TTLL7: variants seen among roughly 807,000 people sequenced by gnomAD.
TTLL7 encodes the protein tubulin tyrosine ligase like 7.
Under a neutral mutation model 120.2 loss-of-function variants are expected in TTLL7, and 53 were observed. That is an observed-to-expected ratio of 0.44 (90% CI 0.35 to 0.55). TTLL7 has a LOEUF of 0.55. Ranked by LOEUF, TTLL7 falls within the 20% of genes least tolerant of loss-of-function variation. The probability of loss-of-function intolerance (pLI) is 0.00; values close to 1 mark genes in which losing one functional copy is unlikely to be tolerated. For missense variants in TTLL7, 803 were observed against 1,054.7 expected (o/e 0.76, Z 3.31); for synonymous variants, 353 against 351.7 (o/e 1.00, Z -0.04).
chr1:83,933,671 G>A lies in TTLL7; in HGVS notation c.984C>T (p.Val328=). 1 of 1,613,788 alleles carries A rather than the reference G, an allele frequency of 6.2e-7. No homozygotes were observed. ...TATCAAATCCCAGGACTTCAAAGCAGACACTTTCGCTTCCTGGAGGTTGAC... is the reference window on the plus strand; with the variant it reads ...TATCAAATCCCAGGACTTCAAAGCAAACACTTTCGCTTCCTGGAGGTTGAC... ...RPGQPPGSES[V]CFEVLGFDIL... is the part of the protein sequence containing the mutation. Residue 328 remains valine (V), a synonymous_variant, in exon 9 of 21, where the codon GTC becomes GTT. Coordinates refer to ENST00000260505, the MANE Select transcript of TTLL7 (RefSeq NM_024686.6).
At chr1:83,950,066 A>T in intron 3 of TTLL7, 80 bp from the exon 4 acceptor site, 1 of 1,242,404 alleles carries the variant, frequency 8.0e-7, no homozygotes, top group Non-Finnish European at 1.1e-6. Context: ...TTCTATCTAA[A>T]CTTTAGTTCA....
intron 7 of TTLL7, among the ~76,000 whole-genome samples, chr1:83,939,607 T>C (rs1647742984): frequency 6.6e-6 from 1 of 152,170 alleles, no homozygotes; most frequent in Non-Finnish European, 1.5e-5. Context: ...AATATAACCA[T>C]AGCCCACCCT....
chr1:83,933,869 A>C (rs935289248), intron 8 of TTLL7, 103 bp from the exon 9 acceptor site: 1 of 1,122,532 alleles, frequency 8.9e-7, no homozygotes, highest in Non-Finnish European at 1.3e-6. Flanking sequence ...AAGTTTACAA[A>C]GCTCTGTGGC....
chr1:83,892,815 C>CGCATATGTGAACATATATATGAAT (rs1655812582), intron 18 of TTLL7, among the ~76,000 whole-genome samples: 1 of 150,680 alleles, frequency 6.6e-6, no homozygotes, highest in Non-Finnish European at 1.5e-5. Flanking sequence ...TATATATGAA[C>CGCATATGTGAACATATATATGAAT]GCATATGTGA....
chr1:83,890,086 A>G, intron 19 of TTLL7: 1 of 576,864 alleles, frequency 1.7e-6, no homozygotes, highest in Middle Eastern at 2.8e-4. Flanking sequence ...ATTTTCTTTA[A>G]TTAGGACTAC....
At chr1:83,883,365 G>T (rs1654692357) in intron 19 of TTLL7, among the ~76,000 whole-genome samples, 1 of 151,950 alleles carries the variant, frequency 6.6e-6, no homozygotes, top group Non-Finnish European at 1.5e-5. Flanking sequence ...GTGTGTGTTT[G>T]TGCATGTGGG....
intron 7 of TTLL7, 87 bp downstream of exon 7, chr1:83,942,376 T>G (rs1461342341): frequency 9.2e-7 from 1 of 1,089,324 alleles, no homozygotes; most frequent in Non-Finnish European, 1.3e-6. Context: ...CAACTTTCAT[T>G]CATACAATCT....
chr1:83,962,224 C>G (rs1233202997), intron 1 of TTLL7, among the ~76,000 whole-genome samples: 1 of 152,112 alleles, frequency 6.6e-6, no homozygotes, highest in Admixed American at 6.6e-5. Flanking sequence ...AAACTTAACT[C>G]TTTAACTTTC....
rs561516905 is a variant in TTLL7, at chr1:83,921,639, C to CAGAG, written c.1143-249_1143-246dup. 3.9e-4 allele frequency among the ~76,000 whole-genome samples: 60 copies of CAGAG among 152,248 alleles called. No homozygotes were observed. In the East Asian group the frequency reaches 0.011, roughly 29 times the overall value. ...GGAAATAGTGCATGTTTTAGAGGAT[C>CAGAG]AGAGAGACCTAGTTTCACATTTTGC... is the stretch of plus-strand genomic sequence containing the variant. On this transcript the variant is annotated intron_variant, in intron 10 of 20. Transcript: ENST00000260505.
In TTLL7 at chr1:83,904,355, A is replaced by G. The variant is rs539877949; in HGVS notation, c.2128-196T>C. ...TTTCTATTCTAGTTGTATTAAGAAT[A>G]CAATCTCTGTGGCCCACACCTGTAA... is the stretch of plus-strand genomic sequence containing the variant. On this transcript the variant is annotated intron_variant, in intron 17 of 20. Coordinates refer to ENST00000260505, the MANE Select transcript of TTLL7 (RefSeq NM_024686.6). 4.7e-4 allele frequency among the ~76,000 whole-genome samples: 72 copies of G among 152,206 alleles called. 1 individual carries two copies. Among genetic ancestry groups the G allele is most frequent in the African/African-American group, 1.7e-3 (69 of 41,560 alleles).
intron 20 of TTLL7, among the ~76,000 whole-genome samples, chr1:83,876,806 A>T (rs982470514): frequency 2.6e-5 from 4 of 151,970 alleles, no homozygotes; most frequent in African/African-American, 9.7e-5. Flanking sequence ...TCACTTTATA[A>T]TTTATCATAG....
intron 14 of TTLL7, among the ~76,000 whole-genome samples, chr1:83,913,314 T>C (rs1657835210): frequency 6.6e-6 from 1 of 152,196 alleles, no homozygotes; most frequent in South Asian, 2.1e-4. Flanking sequence ...CACATGCCTA[T>C]CACCCAGCTT....
rs1304831980 is a variant in TTLL7 at position 83,925,903 on chromosome 1, C to A, written c.1142+3233G>T. 3.3e-5 allele frequency among the ~76,000 whole-genome samples: 5 copies of A among 151,956 alleles called. No homozygotes were observed. The East Asian group carries it at 7.7e-4, about 23-fold the overall frequency. ...TTGGGAGGCCGAGGCGGTGGATCAC[C>A]TGAGGTCAGGAGTTCAAGACCAGCC... is the stretch of plus-strand genomic sequence containing the variant. On this transcript the variant is annotated intron_variant, in intron 10 of 20. Coordinates refer to ENST00000260505, the MANE Select transcript of TTLL7 (RefSeq NM_024686.6).
At chr1:83,956,150 A>G (rs1649490150) in intron 1 of TTLL7, among the ~76,000 whole-genome samples, 1 of 152,092 alleles carries the variant, frequency 6.6e-6, no homozygotes, top group Non-Finnish European at 1.5e-5. Flanking sequence ...ATTGTTTTTT[A>G]GAGACAATCA....
chr1:83,930,725 G>A lies in TTLL7; in HGVS notation c.1048-1495C>T, dbSNP rs575199864. Among the ~76,000 whole-genome samples, 24 of 152,202 alleles carry A rather than the reference G, an allele frequency of 1.6e-4. 1 individual carries two copies. The highest frequency in any genetic ancestry group is 5.1e-4 in the African/African-American group (21 of 41,544). On this transcript the variant is annotated intron_variant, in intron 9 of 20. Transcript: ENST00000260505. Reference sequence around the variant, plus strand: ...TGATGAGTCAGTGGTCCATTGGCATGTTATCTGTCTTTGTAGAATTCCTCA... The same window carrying A: ...TGATGAGTCAGTGGTCCATTGGCATATTATCTGTCTTTGTAGAATTCCTCA...
intron 7 of TTLL7, 141 bp downstream of exon 7, chr1:83,942,320 TTA>T: frequency 1.6e-6 from 1 of 627,586 alleles, no homozygotes; most frequent in Non-Finnish European, 2.7e-6. Context: ...AAAAGCAATC[TTA>T]TTTATGTACA....
chr1:83,933,340 C>T (rs1331137235), intron 9 of TTLL7, among the ~76,000 whole-genome samples: 1 of 152,144 alleles, frequency 6.6e-6, no homozygotes, highest in Non-Finnish European at 1.5e-5. Flanking sequence ...AGCAACAAAA[C>T]AGTAAAAGCA....
intron 18 of TTLL7, among the ~76,000 whole-genome samples, chr1:83,892,441 C>CATAT (rs1557563961): frequency 6.8e-5 from 9 of 132,926 alleles, no homozygotes; most frequent in South Asian, 2.3e-4. Flanking sequence ...TATATATGAA[C>CATAT]ATATGAATGA....
At chr1:83,934,126 A>T (rs1195614053) in intron 8 of TTLL7, among the ~76,000 whole-genome samples, 1 of 152,168 alleles carries the variant, frequency 6.6e-6, no homozygotes, top group Admixed American at 6.5e-5. Context: ...CTGCACCACT[A>T]CACACAGCAT....
Sources: gnomAD v4.1 joint callset for allele counts (sites outside exome capture counted in the v4.1 genomes callset) on GRCh38, gnomAD v4.1.1 for gene constraint, MANE v1.5 for transcripts, NCBI Gene and HGNC (gene_info 2026-07-23, HGNC 2026-07-21) for gene names.